Variants in SH3GL2 observed in about 807,000 individuals in gnomAD.
SH3GL2 encodes endophilin-A1.
In SH3GL2, 24 loss-of-function variants were observed where a neutral mutation model predicts 46.0. The observed-to-expected ratio is 0.52, with a 90% confidence interval of 0.38 to 0.73. The LOEUF (loss-of-function observed/expected upper bound fraction) is 0.73, where lower values mean the gene tolerates loss of function less well. SH3GL2 is among the 30% of genes least tolerant of loss of function. SH3GL2 has a pLI of 0.00. For missense variants in SH3GL2, 413 were observed against 424.2 expected (o/e 0.97, Z 0.23); for synonymous variants, 196 against 147.1 (o/e 1.33, Z -2.40).
At chr9:17,645,191 T>G (rs1819783585) in intron 1 of SH3GL2, among the ~76,000 whole-genome samples, 1 of 128,734 alleles carries the variant, frequency 7.8e-6, no homozygotes, top group Non-Finnish European at 1.6e-5. Flanking sequence ...TTGCTTTCCA[T>G]TGCTTGGTAA....
chr9:17,641,535 C>T lies in SH3GL2; in HGVS notation c.45+62248C>T, dbSNP rs1031754251. Among the ~76,000 whole-genome samples the T allele has an allele frequency of 6.6e-5, 10 of 152,242 alleles. 1 individual carries two copies. In the South Asian group the frequency reaches 2.1e-3, roughly 32 times the overall value. On this transcript the variant is annotated intron_variant, in intron 1 of 8. Coordinates refer to ENST00000380607, the MANE Select transcript of SH3GL2 (RefSeq NM_003026.5). ...ATACATGTGCCATGGTAGTTTGCTGCACCCATCAACCCGTCATCTACATTA... is the reference window on the plus strand; with the variant it reads ...ATACATGTGCCATGGTAGTTTGCTGTACCCATCAACCCGTCATCTACATTA...
intron 3 of SH3GL2, among the ~76,000 whole-genome samples, chr9:17,781,703 A>T (rs1823815038): frequency 6.6e-6 from 1 of 152,056 alleles, no homozygotes; most frequent in Non-Finnish European, 1.5e-5. Flanking sequence ...GGTTGTTCCA[A>T]ACTCTGAACA....
chr9:17,599,513 A>C (rs1010547), intron 1 of SH3GL2, among the ~76,000 whole-genome samples: 1 of 152,064 alleles, frequency 6.6e-6, no homozygotes, highest in Non-Finnish European at 1.5e-5. Context: ...GTACTTCTTG[A>C]AATTTATCAC....
intron 2 of SH3GL2, among the ~76,000 whole-genome samples, chr9:17,747,482 T>A (rs1822724697): frequency 6.6e-6 from 1 of 151,980 alleles, no homozygotes; most frequent in Non-Finnish European, 1.5e-5. Context: ...ATCCCAAATG[T>A]TTTTGGGAGA....
intron 3 of SH3GL2, among the ~76,000 whole-genome samples, chr9:17,773,286 T>A (rs1287764352): frequency 5.3e-5 from 8 of 152,162 alleles, no homozygotes; most frequent in Non-Finnish European, 1.2e-4. Context: ...TTCTAGTGTC[T>A]TTTGATGCAC....
intron 1 of SH3GL2, among the ~76,000 whole-genome samples, chr9:17,622,150 T>A (rs1588180289): frequency 6.6e-6 from 1 of 152,228 alleles, no homozygotes; most frequent in East Asian, 1.9e-4. Context: ...TTAATGAATA[T>A]GCATTAGGAG....
chr9:17,693,645 T>C (rs748024177), intron 1 of SH3GL2, among the ~76,000 whole-genome samples: 3 of 152,200 alleles, frequency 2.0e-5, no homozygotes, highest in Non-Finnish European at 2.9e-5. Flanking sequence ...CACATAAAAC[T>C]GGACAGCAAA....
At chr9:17,647,021 T>C (rs1285079123) in intron 1 of SH3GL2, among the ~76,000 whole-genome samples, 4 of 152,148 alleles carry the variant, frequency 2.6e-5, no homozygotes, top group African/African-American at 9.7e-5. Flanking sequence ...ATGGGAGTTT[T>C]ATCTATAAGC....
chr9:17,743,503 G>C (rs569983408), intron 1 of SH3GL2, among the ~76,000 whole-genome samples: 1 of 150,952 alleles, frequency 6.6e-6, no homozygotes, highest in African/African-American at 2.4e-5. Flanking sequence ...TCTCTTGTTC[G>C]CATTCTCATT....
intron 3 of SH3GL2, among the ~76,000 whole-genome samples, chr9:17,768,955 G>C (rs929692187): frequency 6.6e-6 from 1 of 152,198 alleles, no homozygotes; most frequent in African/African-American, 2.4e-5. Context: ...GTTCCTGGCT[G>C]TCTCCATCTC....
At chr9:17,637,243 A>G (rs910020465) in intron 1 of SH3GL2, among the ~76,000 whole-genome samples, 2 of 152,202 alleles carry the variant, frequency 1.3e-5, no homozygotes, top group South Asian at 2.1e-4. Context: ...AGCCATATAT[A>G]TCTTATTAAT....
intron 1 of SH3GL2, among the ~76,000 whole-genome samples, chr9:17,740,136 TAGTG>T (rs1381965418): frequency 3.9e-5 from 6 of 152,138 alleles, no homozygotes; most frequent in Non-Finnish European, 5.9e-5. Context: ...AATTTTTTGA[TAGTG>T]AGAAATAAAA....
At chr9:17,607,126 A>T (rs565089320) in intron 1 of SH3GL2, among the ~76,000 whole-genome samples, 21 of 152,290 alleles carry the variant, frequency 1.4e-4, no homozygotes, top group African/African-American at 3.9e-4. Flanking sequence ...TAACAATGGG[A>T]TATATTCTGA....
At chr9:17,711,519 T>C (rs1035980852) in intron 1 of SH3GL2, among the ~76,000 whole-genome samples, 1 of 151,888 alleles carries the variant, frequency 6.6e-6, no homozygotes, top group Non-Finnish European at 1.5e-5. Context: ...TCTCTTACCA[T>C]AGATTAGTTT....
chr9:17,653,806 A>G lies in SH3GL2; in HGVS notation c.45+74519A>G, dbSNP rs1012940455. 2.4e-4 allele frequency: 201 copies of G among 842,320 alleles called. 2 individuals carry two copies. Among genetic ancestry groups the G allele is most frequent in the Middle Eastern group, 1.2e-3 (2 of 1,648 alleles). 52.2% of individuals were successfully genotyped at this position (842,320 alleles called of 1,614,324 possible). A position where few individuals can be genotyped will look rare whatever the true frequency, so the allele number is the denominator to read the frequency against. Reference sequence around the variant, plus strand: ...AATTTGAGGGTGGCTGAATTGGGCTAGTCTTATCAAAGAAGAAGACAGATA... The same window carrying G: ...AATTTGAGGGTGGCTGAATTGGGCTGGTCTTATCAAAGAAGAAGACAGATA... On this transcript the variant is annotated intron_variant, in intron 1 of 8. Transcript: ENST00000380607.
At chr9:17,787,245 A>C (rs1028238916) in intron 4 of SH3GL2, 135 bp from the exon 5 acceptor site, 5 of 672,964 alleles carry the variant, frequency 7.4e-6, no homozygotes, top group Non-Finnish European at 1.3e-5. Context: ...TGAACTGAAG[A>C]TACCTATTCT....
chr9:17,650,269 G>A (rs1588205550), intron 1 of SH3GL2, among the ~76,000 whole-genome samples: 1 of 152,220 alleles, frequency 6.6e-6, no homozygotes, highest in African/African-American at 2.4e-5. Context: ...GTAACAGTTT[G>A]AAGTACACAA....
Position 17,761,321 on chromosome 9 carries a change from CGGGACTTGTCCG to C in SH3GL2, c.115-112_115-101del, listed in dbSNP as rs1823164685. On this transcript the variant is annotated intron_variant, in intron 2 of 8. Transcript: ENST00000380607. ...GCGTCTCAGCCTCCCTCACCTACTGCGGGACTTGTCCGGGGCTCTGTTGCATACCCCGCCATT... is the reference window on the plus strand; with the variant it reads ...GCGTCTCAGCCTCCCTCACCTACTGCGGGCTCTGTTGCATACCCCGCCATT... 4 of 703,572 alleles carry C rather than the reference CGGGACTTGTCCG, an allele frequency of 5.7e-6. No homozygotes were observed. The Admixed American group carries it at 8.1e-5, about 14-fold the overall frequency. The allele number at this position is 703,572 out of a possible 1,614,324, so 43.6% of individuals were successfully genotyped here.
chr9:17,624,498 T>A (rs1283727448), intron 1 of SH3GL2, among the ~76,000 whole-genome samples: 1 of 147,578 alleles, frequency 6.8e-6, no homozygotes, highest in Non-Finnish European at 1.5e-5. Context: ...TTTGACATTC[T>A]GCTCTAAGCA....
Sources: allele counts gnomAD v4.1 joint callset (sites outside exome capture counted in the v4.1 genomes callset), GRCh38; gene constraint gnomAD v4.1.1; transcripts MANE v1.5; gene names NCBI Gene and HGNC (gene_info 2026-07-23, HGNC 2026-07-21).